Variants in ADAMTSL3 observed in about 807,000 individuals in gnomAD.
ADAMTSL3 encodes ADAMTS-like protein 3.
In ADAMTSL3, 128 loss-of-function variants were observed where a neutral mutation model predicts 201.7. The ratio of observed to expected loss-of-function variants is 0.63; its 90% CI spans 0.55 to 0.73. The LOEUF (loss-of-function observed/expected upper bound fraction) is 0.73, where lower values mean the gene tolerates loss of function less well. ADAMTSL3 is among the 30% of genes least tolerant of loss of function. The probability of loss-of-function intolerance (pLI) is 0.00; values close to 1 mark genes in which losing one functional copy is unlikely to be tolerated. For synonymous variants in ADAMTSL3, 738 were observed against 748.4 expected (o/e 0.99, Z 0.23); for missense variants, 1,990 against 2,119.6 (o/e 0.94, Z 1.20).
chr15:83,782,960 A>G (rs964826305), intron 4 of ADAMTSL3, among the ~76,000 whole-genome samples: 6 of 146,408 alleles, frequency 4.1e-5, no homozygotes, highest in Admixed American at 3.4e-4. Flanking sequence ...TATATATTAT[A>G]TATACATATA....
At chr15:83,922,739 C>T (rs927075244) in intron 16 of ADAMTSL3, among the ~76,000 whole-genome samples, 5 of 152,080 alleles carry the variant, frequency 3.3e-5, no homozygotes, top group South Asian at 2.1e-4. Flanking sequence ...CTGAACATCA[C>T]AAATATATAT....
chr15:83,675,448 C>T (rs943919972), intron 2 of ADAMTSL3, among the ~76,000 whole-genome samples: 7 of 152,046 alleles, frequency 4.6e-5, no homozygotes, highest in Non-Finnish European at 7.4e-5. Context: ...GGTATTGAAC[C>T]AGCCTTGCAT....
chr15:83,943,232 G>A (rs2066597075), intron 19 of ADAMTSL3, 150 bp downstream of exon 19: 6 of 892,726 alleles, frequency 6.7e-6, no homozygotes, highest in Non-Finnish European at 8.2e-6. Context: ...ACTCACTCTC[G>A]GGTTTGTGCA....
chr15:83,724,564 T>G (rs1197019093), intron 3 of ADAMTSL3, among the ~76,000 whole-genome samples: 15 of 152,230 alleles, frequency 9.9e-5, no homozygotes, highest in East Asian at 7.7e-4. Flanking sequence ...CAAATTATAC[T>G]CTCAGTTATT....
At chr15:83,935,553 A>G (rs1248487102) in intron 17 of ADAMTSL3, among the ~76,000 whole-genome samples, 1 of 152,114 alleles carries the variant, frequency 6.6e-6, no homozygotes, top group Non-Finnish European at 1.5e-5. Context: ...CAAACGGGAA[A>G]AAAAATACAC....
intron 7 of ADAMTSL3, among the ~76,000 whole-genome samples, chr15:83,852,697 TAAG>T (rs1459223371): frequency 1.3e-5 from 2 of 152,234 alleles, no homozygotes; most frequent in Admixed American, 6.5e-5. Context: ...CTCTGGATAT[TAAG>T]AAAACAGTCT....
At chr15:83,850,508 T>G (rs1279367731) in intron 7 of ADAMTSL3, among the ~76,000 whole-genome samples, 1 of 147,394 alleles carries the variant, frequency 6.8e-6, no homozygotes, top group Non-Finnish European at 1.5e-5. Flanking sequence ...TATAAAAATA[T>G]TTTTAAATTA....
intron 15 of ADAMTSL3, among the ~76,000 whole-genome samples, chr15:83,911,628 A>G (rs1346196634): frequency 6.6e-6 from 1 of 152,206 alleles, no homozygotes; most frequent in African/African-American, 2.4e-5. Flanking sequence ...AATTTTCAAC[A>G]CAATGAACAA....
rs555764156 is a variant in ADAMTSL3, at chr15:83,965,568, C to A, written c.2491-4916C>A. Reference sequence around the variant, plus strand: ...AGAGACCTACAAAGAGACTTGGACTCCCACACAATAATAGTGGGAGACTTT... The same window carrying A: ...AGAGACCTACAAAGAGACTTGGACTACCACACAATAATAGTGGGAGACTTT... On this transcript the variant is annotated intron_variant, in intron 19 of 29. Coordinates refer to ENST00000286744, the MANE Select transcript of ADAMTSL3 (RefSeq NM_207517.3). Among the ~76,000 whole-genome samples the A allele has an allele frequency of 6.7e-4, 102 of 152,196 alleles. 1 individual carries two copies. The South Asian group carries it at 0.016, about 24-fold the overall frequency.
chr15:83,952,943 C>T (rs905489473), intron 19 of ADAMTSL3, among the ~76,000 whole-genome samples: 2 of 152,200 alleles, frequency 1.3e-5, no homozygotes, highest in African/African-American at 2.4e-5. Flanking sequence ...AAGCATAGCA[C>T]TACTGCTGTT....
intron 2 of ADAMTSL3, among the ~76,000 whole-genome samples, chr15:83,659,290 G>A (rs2061132713): frequency 6.6e-6 from 1 of 152,202 alleles, no homozygotes; most frequent in African/African-American, 2.4e-5. Context: ...TAAGTCTGTG[G>A]TGACCTCCTC....
intron 16 of ADAMTSL3, among the ~76,000 whole-genome samples, chr15:83,915,266 C>T (rs888961862): frequency 6.6e-6 from 1 of 152,152 alleles, no homozygotes; most frequent in Non-Finnish European, 1.5e-5. Context: ...GCAAGATCCC[C>T]TCAAGTTGGG....
At chr15:83,865,692 C>T (rs1204339001) in intron 8 of ADAMTSL3, among the ~76,000 whole-genome samples, 1 of 152,206 alleles carries the variant, frequency 6.6e-6, no homozygotes, top group Non-Finnish European at 1.5e-5. Context: ...CCATTCAGGA[C>T]ATAGGCATGG....
intron 23 of ADAMTSL3, among the ~76,000 whole-genome samples, chr15:83,997,341 A>G (rs2067705862): frequency 6.6e-6 from 1 of 152,182 alleles, no homozygotes; most frequent in Non-Finnish European, 1.5e-5. Flanking sequence ...TAATCCCAGC[A>G]CTTTGGGAAG....
At chr15:83,819,383 A>C (rs539904654) in intron 5 of ADAMTSL3, among the ~76,000 whole-genome samples, 7 of 152,162 alleles carry the variant, frequency 4.6e-5, no homozygotes, top group Non-Finnish European at 8.8e-5. Context: ...ATAACAATTA[A>C]ATTTTGATGA....
chr15:83,655,177 C>T (rs1397077164), intron 1 of ADAMTSL3, among the ~76,000 whole-genome samples: 2 of 152,206 alleles, frequency 1.3e-5, no homozygotes, highest in East Asian at 1.9e-4. Context: ...CCTCCCTGAA[C>T]TTAGCTCTCA....
At chr15:83,884,771 A>G (rs1221659057) in intron 9 of ADAMTSL3, among the ~76,000 whole-genome samples, 1 of 152,196 alleles carries the variant, frequency 6.6e-6, no homozygotes, top group African/African-American at 2.4e-5. Flanking sequence ...TGTGTCGTCA[A>G]AATTAAAATC....
chr15:83,685,630 G>T (rs555029473), intron 2 of ADAMTSL3, among the ~76,000 whole-genome samples: 1 of 152,068 alleles, frequency 6.6e-6, no homozygotes, highest in African/African-American at 2.4e-5. Context: ...ATCCTGTATG[G>T]CTCTGGGAAG....
At chr15:83,771,170 T>C (rs2062976376) in intron 3 of ADAMTSL3, among the ~76,000 whole-genome samples, 1 of 19,866 alleles carries the variant, frequency 5.0e-5, no homozygotes, top group East Asian at 2.4e-3. Flanking sequence ...CTGGACTCTT[T>C]TTTTTTTTTT....
Sources: gnomAD v4.1 joint callset for allele counts (sites outside exome capture counted in the v4.1 genomes callset) on GRCh38, gnomAD v4.1.1 for gene constraint, MANE v1.5 for transcripts, NCBI Gene and HGNC (gene_info 2026-07-23, HGNC 2026-07-21) for gene names.